The following NME9 variants were observed in gnomAD, a reference collection of about 807,000 sequenced individuals.
NME9 encodes the protein thioredoxin domain-containing protein 6.
NME9 carries 48 observed loss-of-function variants against 44.4 expected under a neutral mutation model. The ratio of observed to expected loss-of-function variants is 1.08; its 90% CI spans 0.86 to 1.37. The LOEUF (loss-of-function observed/expected upper bound fraction) is 1.37. NME9 is among the 40% of genes most tolerant of loss of function. NME9 has a pLI of 0.00. For synonymous variants in NME9, 139 were observed against 147.1 expected, an observed-to-expected ratio of 0.94 and a Z score of 0.40; for missense variants, 325 against 405.2, an observed-to-expected ratio of 0.80 and a Z score of 1.70.
chr3:138,308,956 A>AC (rs2052486852), intron 6 of NME9, among the ~76,000 whole-genome samples: 1 of 150,940 alleles, frequency 6.6e-6, no homozygotes, highest in African/African-American at 2.4e-5. Context: ...AAAAAAAAAA[A>AC]AAAAAAAAAA....
At chr3:138,321,927 T>C (rs181353044) in intron 2 of NME9, among the ~76,000 whole-genome samples, 1 of 137,792 alleles carries the variant, frequency 7.3e-6, no homozygotes, top group East Asian at 2.0e-4. Flanking sequence ...AACCAGAAAA[T>C]CAAAGACAAG....
chr3:138,282,443 C>T (rs1475395724), intron 8 of NME9, among the ~76,000 whole-genome samples: 1 of 151,874 alleles, frequency 6.6e-6, no homozygotes, highest in Non-Finnish European at 1.5e-5. Context: ...GTCAGGAGTT[C>T]GAGACCAGCC....
At chr3:138,265,620 G>A (rs1429440868) in intron 8 of NME9, among the ~76,000 whole-genome samples, 1 of 152,176 alleles carries the variant, frequency 6.6e-6, no homozygotes, top group African/African-American at 2.4e-5. Context: ...GGCTTTGAAA[G>A]CAAGAGGAAA....
chr3:138,305,309 T>C (rs1431404130), intron 8 of NME9, among the ~76,000 whole-genome samples: 1 of 152,228 alleles, frequency 6.6e-6, no homozygotes, highest in East Asian at 1.9e-4. Context: ...CGTGAGATTA[T>C]ATAAATTAGG....
chr3:138,288,960 G>A, intron 8 of NME9: 1 of 1,046,770 alleles, frequency 9.6e-7, no homozygotes, highest in Non-Finnish European at 1.4e-6. Context: ...TTAGGTTATA[G>A]GAATTGGCTA....
chr3:138,277,753 G>T (rs1203705365), intron 8 of NME9, among the ~76,000 whole-genome samples: 1 of 152,086 alleles, frequency 6.6e-6, no homozygotes, highest in African/African-American at 2.4e-5. Context: ...GTACATATAC[G>T]TGCCATACGA....
At chr3:138,299,732 C>A (rs141655862), downstream of NME9, among the ~76,000 whole-genome samples, 105 of 152,288 alleles carry the variant, frequency 6.9e-4, 1 homozygote, top group East Asian at 0.017. Context: ...CTGCCCTGCC[C>A]AGCTACTTCA....
intron 9 of NME9, among the ~76,000 whole-genome samples, chr3:138,304,336 G>A (rs971292444): frequency 1.3e-5 from 2 of 152,224 alleles, no homozygotes; most frequent in South Asian, 4.1e-4. Flanking sequence ...CAAAGGCCAA[G>A]GTAAAGTGGA....
chr3:138,328,485 G>C (rs2053929924), intron 1 of NME9, among the ~76,000 whole-genome samples: 1 of 152,052 alleles, frequency 6.6e-6, no homozygotes, highest in Non-Finnish European at 1.5e-5. Context: ...GAAACCAGAT[G>C]TCTCAAAACC....
chr3:138,288,986 A>G (rs1279015254), intron 8 of NME9: 2 of 1,453,162 alleles, frequency 1.4e-6, no homozygotes, highest in Non-Finnish European at 1.9e-6. Context: ...GGTCCCCCCA[A>G]AAAAAAATCT....
rs1329151190 is a variant in NME9, at chr3:138,306,487, C to A, written c.461-7G>T. ...CAGGTCCTCTCTGATGAAACTAAGC[C>A]AAAAAATGGTGCTGTCAGATGCTGA... On this transcript the variant is annotated splice_region_variant and splice_polypyrimidine_tract_variant and intron_variant, in intron 6 of 10. Transcript: ENST00000333911. 17 of 1,581,842 alleles carry A rather than the reference C, an allele frequency of 1.1e-5. No homozygotes were observed. The highest frequency in any genetic ancestry group is 7.2e-5 in the Admixed American group (4 of 55,254).
chr3:138,312,510 C>T (rs1560110351), intron 6 of NME9, among the ~76,000 whole-genome samples: 1 of 152,190 alleles, frequency 6.6e-6, no homozygotes, highest in Non-Finnish European at 1.5e-5. Flanking sequence ...GTGAAAAGGA[C>T]ATTCTCTTCA....
intron 8 of NME9, among the ~76,000 whole-genome samples, chr3:138,275,472 T>C (rs1417477334): frequency 2.0e-5 from 3 of 151,870 alleles, no homozygotes; most frequent in Non-Finnish European, 4.4e-5. Flanking sequence ...GGCAGGAGAA[T>C]GGCGTGAACC....
rs79975487 is a variant in NME9 at position 138,306,573 on chromosome 3, T to C, written c.461-93A>G. ...AATGCAACCTCTACACAAGGCTCCA[T>C]TGCACCAAGTGCCAGGCACAGGCTT... On this transcript the variant is annotated intron_variant, in intron 6 of 10. Coordinates refer to ENST00000333911, the MANE Select transcript of NME9 (RefSeq NM_001349018.2). The C allele has an allele frequency of 7.9e-4, 578 of 734,696 alleles. 2 individuals are homozygous for C. The East Asian group carries it at 9.9e-3, about 13-fold the overall frequency. The allele number at this position is 734,696 out of a possible 1,614,324, so 45.5% of individuals were successfully genotyped here.
intron 2 of NME9, chr3:138,324,193 G>A (rs2053635783): frequency 3.3e-6 from 1 of 306,928 alleles, no homozygotes; most frequent in African/African-American, 2.2e-5. Flanking sequence ...TCATGAGTGA[G>A]CTTGGAAGTG....
chr3:138,322,247 G>A (rs1330048276), intron 2 of NME9, among the ~76,000 whole-genome samples: 1 of 152,010 alleles, frequency 6.6e-6, no homozygotes, highest in South Asian at 2.1e-4. Flanking sequence ...TAAACTCTCT[G>A]TGCTGTATTT....
downstream of NME9, chr3:138,300,946 A>G (rs1393491214): frequency 6.0e-6 from 3 of 499,668 alleles, no homozygotes; most frequent in Non-Finnish European, 7.8e-6. Context: ...GTCATAGTCA[A>G]TCTTGCTGCA....
At chr3:138,287,316 C>T (rs527558906) in intron 8 of NME9, among the ~76,000 whole-genome samples, 7 of 152,116 alleles carry the variant, frequency 4.6e-5, no homozygotes, top group Non-Finnish European at 1.0e-4. Context: ...GGAACTTTTT[C>T]TCCTGCTTGG....
chr3:138,297,782 G>A (rs1022262804), downstream of NME9: 7 of 152,148 alleles, frequency 4.6e-5, no homozygotes, highest in African/African-American at 1.7e-4. Flanking sequence ...AAAGCCTCAG[G>A]CCCACTCGTT....
Sources: gnomAD v4.1 joint callset for allele counts (sites outside exome capture counted in the v4.1 genomes callset) on GRCh38, gnomAD v4.1.1 for gene constraint, MANE v1.5 for transcripts, NCBI Gene and HGNC (gene_info 2026-07-23, HGNC 2026-07-21) for gene names.